The following MROH1 variants were observed in gnomAD, a reference collection of about 807,000 sequenced individuals.
The protein encoded by MROH1 is maestro heat like repeat family member 1, also known as maestro heat-like repeat-containing protein family member 1.
MROH1 carries 117 observed loss-of-function variants against 116.5 expected under a neutral mutation model. That is an observed-to-expected ratio of 1.00 (90% CI 0.86 to 1.17). The LOEUF is 1.17. Among genes scored for constraint, MROH1 ranks in the 50% most tolerant of loss-of-function variants. The pLI, the probability that MROH1 is intolerant of heterozygous loss-of-function variation, is 0.00. For missense variants in MROH1, 1,873 were observed against 1,338.5 expected (o/e 1.40, Z -6.23); for synonymous variants, 921 against 583.9 (o/e 1.58, Z -8.32).
At chr8:144,211,315 T>C (rs1834044682) in intron 12 of MROH1, among the ~76,000 whole-genome samples, 1 of 152,186 alleles carries the variant, frequency 6.6e-6, no homozygotes, top group African/African-American at 2.4e-5. Context: ...AATTAATTAA[T>C]TGGTGGGAGG....
At chr8:144,191,056 A>G (rs1211663747) in intron 8 of MROH1, 121 bp downstream of exon 8, 17 of 1,081,904 alleles carry the variant, frequency 1.6e-5, no homozygotes, top group East Asian at 8.0e-5. Flanking sequence ...GAGGTGCCCA[A>G]TGGGAGGTGG....
intron 4 of MROH1, among the ~76,000 whole-genome samples, chr8:144,177,838 C>T (rs915899351): frequency 9.2e-5 from 14 of 152,198 alleles, no homozygotes; most frequent in Admixed American, 6.5e-4. Context: ...GTGCCTGCTT[C>T]TGCTTCATTT....
chr8:144,201,738 G>C (rs1053112156), intron 12 of MROH1, among the ~76,000 whole-genome samples: 3 of 151,840 alleles, frequency 2.0e-5, no homozygotes, highest in African/African-American at 7.3e-5. Context: ...GGGCCGGCCG[G>C]GCAGTGGCTC....
chr8:144,240,933 C>T (rs1439572346), intron 20 of MROH1, 59 bp from the exon 21 acceptor site: 7 of 716,022 alleles, frequency 9.8e-6, no homozygotes, highest in African/African-American at 5.2e-5. Context: ...CCCATGGCAG[C>T]GCTGGGTCTC....
chr8:144,200,852 C>A, intron 12 of MROH1: 1 of 344,666 alleles, frequency 2.9e-6, no homozygotes, highest in East Asian at 5.7e-5. Flanking sequence ...CATCCCTGAG[C>A]CCACTGCTCT....
At chr8:144,152,507 G>C (rs1817051615) in intron 1 of MROH1, among the ~76,000 whole-genome samples, 1 of 151,688 alleles carries the variant, frequency 6.6e-6, no homozygotes, top group Non-Finnish European at 1.5e-5. Context: ...TCCTGCCTCA[G>C]CCTCCTGAGT....
rs573524223 is a variant in MROH1 at position 144,188,449 on chromosome 8, A to ATT, written c.563-2298_563-2297dup. 1.2e-3 allele frequency among the ~76,000 whole-genome samples: 56 copies of ATT among 45,836 alleles called. 3 individuals carry two copies. Among genetic ancestry groups the ATT allele is most frequent in the African/African-American group, 4.2e-3 (49 of 11,544 alleles). 30.1% of individuals were successfully genotyped at this position (45,836 alleles called of 152,430 possible). ...CTGGGTCAGGTGCTACCACTGCCCA[A>ATT]TTTTTTTTTTTTTTTTTTTTTTTTT... is the stretch of plus-strand genomic sequence containing the variant. On this transcript the variant is annotated intron_variant, in intron 7 of 43. Transcript: ENST00000326134.
chr8:144,237,629 T>A (rs1159786251), intron 14 of MROH1, among the ~76,000 whole-genome samples: 2 of 152,262 alleles, frequency 1.3e-5, no homozygotes, highest in Non-Finnish European at 2.9e-5. Flanking sequence ...CCTTGAAGTC[T>A]TCGGCAGCCT....
chr8:144,177,535 A>G (rs183568662), intron 4 of MROH1, among the ~76,000 whole-genome samples: 1,707 of 152,028 alleles, frequency 0.011, 29 homozygotes, highest in African/African-American at 0.04. Context: ...ATGTGGGCCC[A>G]CCTCCACCTG....
intron 4 of MROH1, among the ~76,000 whole-genome samples, chr8:144,171,806 G>A (rs972014512): frequency 4.6e-5 from 7 of 152,200 alleles, no homozygotes; most frequent in Admixed American, 4.6e-4. Context: ...GACATTCCTA[G>A]TTGGGGGCCT....
rs766364318 is a variant in MROH1 at position 144,163,026 on chromosome 8, T to G, written c.-56-745T>G. On this transcript the variant is annotated intron_variant, in intron 2 of 43. Transcript: ENST00000326134. This position sits in a 1 kb window ranked among gnomAD's most constrained non-coding sequence, Gnocchi z 4.4. The stretch of plus-strand genomic sequence containing the variant: ...CATGAGCCATCGCTCTTGGCCAAGA[T>G]TTCTATGATTTCTTACTTCGCCTCC... 6.6e-6 allele frequency among the ~76,000 whole-genome samples: 1 copy of G among 152,216 alleles called. No individual in the cohort carries two copies. Among genetic ancestry groups the G allele is most frequent in the Non-Finnish European group, 1.5e-5 (1 of 68,042 alleles).
chr8:144,255,586 T>C lies in MROH1; in HGVS notation c.3672T>C (p.Phe1224=), dbSNP rs1843593748. ...PAVLELYPQL[F]VVLLLRVSCT... ...TGCTCGAGCTCTACCCCCAGCTGTT[T>C]GTGGTGCTTCTGCTGCGCGTCAGCT... Residue 1224 remains phenylalanine (F), a synonymous_variant, in exon 35 of 44, where the codon TTT becomes TTC. Transcript: ENST00000326134. The C allele has an allele frequency of 2.6e-6, 2 of 779,190 alleles. No individual in the cohort carries two copies. The highest frequency in any genetic ancestry group is 1.7e-5 in the Admixed American group (1 of 59,000). The allele number at this position is 779,190 out of a possible 1,614,324, so 48.3% of individuals were successfully genotyped here. A position where few individuals can be genotyped will look rare whatever the true frequency, so the allele number is the denominator to read the frequency against.
At chr8:144,229,643 G>T (rs1426148681) in intron 14 of MROH1, among the ~76,000 whole-genome samples, 1 of 151,968 alleles carries the variant, frequency 6.6e-6, no homozygotes, top group Non-Finnish European at 1.5e-5. Context: ...TGCCCACCTG[G>T]GTGACAGAGC....
At chr8:144,171,087 C>T (rs973373704) in intron 4 of MROH1, among the ~76,000 whole-genome samples, 1 of 152,202 alleles carries the variant, frequency 6.6e-6, no homozygotes, top group Non-Finnish European at 1.5e-5. Context: ...GCTGGGTGTC[C>T]TCAATTCAAT....
intron 4 of MROH1, chr8:144,174,785 A>G: frequency 2.1e-6 from 2 of 973,448 alleles, no homozygotes; most frequent in South Asian, 4.7e-5. Flanking sequence ...GGCTGGCCCT[A>G]TCCATTTTTT....
At chr8:144,217,006 T>A (rs759971984) in intron 12 of MROH1, among the ~76,000 whole-genome samples, 3 of 152,210 alleles carry the variant, frequency 2.0e-5, no homozygotes, top group Non-Finnish European at 4.4e-5. Context: ...AGTTCTTATG[T>A]GTGAATAAGT....
chr8:144,239,621 C>G lies in MROH1; in HGVS notation c.1640C>G (p.Ser547Cys), dbSNP rs1840631735. ...CACGCTGCCTCTTTTCAGGTTGTGT[C>G]TTCCAGCCCCTACCTAGGGGACGGA... ...YAVTGRLLVV[S>C]SSPYLGDGRG... Residue 547 changes from serine to cysteine, a missense_variant, in exon 18 of 44, where the codon TCT (serine) becomes TGT (cysteine). Coordinates refer to ENST00000326134, the MANE Select transcript of MROH1 (RefSeq NM_032450.3). The G allele has an allele frequency of 2.6e-6, 2 of 771,718 alleles. No individual in the cohort carries two copies. Among genetic ancestry groups the G allele is most frequent in the African/African-American group, 3.4e-5 (2 of 59,004 alleles). The allele number at this position is 771,718 out of a possible 1,614,324, so 47.8% of individuals were successfully genotyped here.
chr8:144,190,445 G>A (rs1468572421), intron 7 of MROH1, among the ~76,000 whole-genome samples: 1 of 152,140 alleles, frequency 6.6e-6, no homozygotes, highest in Non-Finnish European at 1.5e-5. Flanking sequence ...GCTTGAACCT[G>A]GGAGGCAAAG....
At chr8:144,212,276 G>T (rs1055951593) in intron 12 of MROH1, among the ~76,000 whole-genome samples, 1 of 151,802 alleles carries the variant, frequency 6.6e-6, no homozygotes, top group South Asian at 2.1e-4. Flanking sequence ...GTAGAGATGG[G>T]GTCTCACTAT....
Sources: gnomAD v4.1 joint callset for allele counts (sites outside exome capture counted in the v4.1 genomes callset) on GRCh38, gnomAD v4.1.1 for gene constraint, Gnocchi (gnomAD v3.1) non-coding constraint, MANE v1.5 for transcripts, NCBI Gene and HGNC (gene_info 2026-07-23, HGNC 2026-07-21) for gene names.